The following MALRD1 variants were observed in gnomAD, a reference collection of about 807,000 sequenced individuals.
MALRD1 encodes MAM and LDL receptor class A domain containing 1.
Under a neutral mutation model 242.1 loss-of-function variants are expected in MALRD1, and 247 were observed. The ratio of observed to expected loss-of-function variants is 1.02; its 90% CI spans 0.92 to 1.13. The LOEUF (loss-of-function observed/expected upper bound fraction) is 1.13. Among genes scored for constraint, MALRD1 ranks in the 50% most tolerant of loss-of-function variants. The pLI is 0.00. For missense variants in MALRD1, 2,989 were observed against 2,533.1 expected, an observed-to-expected ratio of 1.18 and a Z score of -3.86; for synonymous variants, 995 against 866.6, an observed-to-expected ratio of 1.15 and a Z score of -2.60.
Position 19,389,495 on chromosome 10 carries a change from T to C in MALRD1, c.4731T>C (p.Gly1577=), listed in dbSNP as rs201527497. The C allele has an allele frequency of 1.3e-4, 205 of 1,550,378 alleles. No individual in the cohort carries two copies. The highest frequency in any genetic ancestry group is 6.7e-4 in the Middle Eastern group (4 of 6,014). The part of the protein sequence containing the change: ...YLEATAVGLR[G]DKAHFRSTMW... Reference sequence around the variant, plus strand: ...AAGCTACTGCAGTGGGCCTTCGGGGTGACAAAGCACACTTCAGGAGTACCA... The same window carrying C: ...AAGCTACTGCAGTGGGCCTTCGGGGCGACAAAGCACACTTCAGGAGTACCA... Residue 1577 remains glycine (G), a synonymous_variant, in exon 28 of 40, where the codon GGT becomes GGC. Transcript: ENST00000454679.
At chr10:19,121,043 CTTTT>C (rs71387043) in intron 5 of MALRD1, among the ~76,000 whole-genome samples, 1 of 106,590 alleles carries the variant, frequency 9.4e-6, no homozygotes, top group Non-Finnish European at 1.8e-5. Flanking sequence ...TGTGCCCGGC[CTTTT>C]TTTTTTTTTT....
intron 24 of MALRD1, among the ~76,000 whole-genome samples, chr10:19,333,557 C>A (rs761818146): frequency 3.3e-5 from 5 of 152,080 alleles, no homozygotes; most frequent in Admixed American, 6.6e-5. Flanking sequence ...TTGATGGGCA[C>A]CTGGATCGAT....
chr10:19,060,176 T>C (rs1834781354), intron 1 of MALRD1, among the ~76,000 whole-genome samples: 1 of 152,192 alleles, frequency 6.6e-6, no homozygotes, highest in Non-Finnish European at 1.5e-5. Context: ...TGTGCTTGTG[T>C]GTGTACCCAC....
chr10:19,121,109 T>C (rs1245380988), intron 5 of MALRD1, among the ~76,000 whole-genome samples: 1 of 139,662 alleles, frequency 7.2e-6, no homozygotes, highest in Admixed American at 7.7e-5. Context: ...AGTGGTGCGA[T>C]CTCGGCTCAC....
chr10:19,609,005 C>A (rs1838764611), intron 35 of MALRD1, among the ~76,000 whole-genome samples: 1 of 151,992 alleles, frequency 6.6e-6, no homozygotes, highest in African/African-American at 2.4e-5. Flanking sequence ...TATGCCAGAC[C>A]CAAACTTATT....
At chr10:19,529,548 G>GGC (rs1834250632) in intron 31 of MALRD1, among the ~76,000 whole-genome samples, 1 of 146,628 alleles carries the variant, frequency 6.8e-6, no homozygotes, top group African/African-American at 2.6e-5. Flanking sequence ...AAAACAGGAG[G>GGC]GGGGGGGAGA....
intron 38 of MALRD1, among the ~76,000 whole-genome samples, chr10:19,699,613 A>T (rs80275124): frequency 0.026 from 3,926 of 152,150 alleles, 148 homozygotes; most frequent in African/African-American, 0.088. Context: ...TCATTTATTT[A>T]AAAAGATGTT....
chr10:19,679,255 C>T (rs186018559), intron 36 of MALRD1, among the ~76,000 whole-genome samples: 2 of 152,216 alleles, frequency 1.3e-5, no homozygotes, highest in Admixed American at 6.5e-5. Flanking sequence ...CTTTGTACCT[C>T]TGGTAGAATT....
At chr10:19,095,471 G>A (rs1362868190) in intron 4 of MALRD1, among the ~76,000 whole-genome samples, 1 of 152,110 alleles carries the variant, frequency 6.6e-6, no homozygotes, top group Non-Finnish European at 1.5e-5. Context: ...TGGGAGTGTG[G>A]GTGGTTAGAA....
intron 19 of MALRD1, among the ~76,000 whole-genome samples, chr10:19,277,863 T>C (rs1479128927): frequency 6.6e-6 from 1 of 152,212 alleles, no homozygotes; most frequent in African/African-American, 2.4e-5. Context: ...CTCAGATTTT[T>C]GCTCTTTCCT....
At chr10:19,372,055 A>G (rs1329322134) in intron 26 of MALRD1, among the ~76,000 whole-genome samples, 1 of 152,218 alleles carries the variant, frequency 6.6e-6, no homozygotes, top group Non-Finnish European at 1.5e-5. Context: ...AATTGATTAT[A>G]TTTAGAGGAG....
At chr10:19,058,756 G>C (rs74492651) in intron 1 of MALRD1, among the ~76,000 whole-genome samples, 3,409 of 152,080 alleles carry the variant, frequency 0.022, 119 homozygotes, top group African/African-American at 0.079. Flanking sequence ...GACCATGTAT[G>C]ATGAAGTTAT....
chr10:19,386,929 A>G (rs1336121261), intron 26 of MALRD1, among the ~76,000 whole-genome samples: 7 of 152,272 alleles, frequency 4.6e-5, no homozygotes, highest in Admixed American at 1.3e-4. Context: ...ACAAATCTCT[A>G]TGGTTGGCAT....
At chr10:19,405,822 C>T (rs576227386) in intron 28 of MALRD1, among the ~76,000 whole-genome samples, 6 of 151,704 alleles carry the variant, frequency 4.0e-5, no homozygotes, top group African/African-American at 1.5e-4. Context: ...TAACACCACT[C>T]ACTAAACATA....
At chr10:19,692,836 A>C (rs1009418196) in intron 38 of MALRD1, among the ~76,000 whole-genome samples, 1 of 141,790 alleles carries the variant, frequency 7.1e-6, no homozygotes, top group Admixed American at 7.4e-5. Flanking sequence ...ATATGAAATT[A>C]TATATATATG....
At chr10:19,341,524 G>GTATATATATATA (rs750457234) in intron 24 of MALRD1, among the ~76,000 whole-genome samples, 1 of 138,856 alleles carries the variant, frequency 7.2e-6, no homozygotes, top group South Asian at 2.3e-4. Flanking sequence ...GTGTATATAT[G>GTATATATATATA]TATATATATA....
intron 30 of MALRD1, chr10:19,493,348 T>G (rs1286551404): frequency 6.6e-6 from 1 of 152,186 alleles, no homozygotes; most frequent in Non-Finnish European, 1.5e-5. Context: ...AATGAAAGTA[T>G]TTTTAAAAAG....
At chr10:19,589,323 C>G (rs940732144) in intron 33 of MALRD1, among the ~76,000 whole-genome samples, 1 of 152,144 alleles carries the variant, frequency 6.6e-6, no homozygotes, top group Non-Finnish European at 1.5e-5. Flanking sequence ...ATAGCTGTGA[C>G]TCCACACCCT....
intron 21 of MALRD1, among the ~76,000 whole-genome samples, chr10:19,289,272 G>A (rs144453912): frequency 2.4e-4 from 36 of 152,148 alleles, no homozygotes; most frequent in Middle Eastern, 6.8e-3. Flanking sequence ...TTGTATTTCC[G>A]TATTTCCTCT....
Sources: allele counts gnomAD v4.1 joint callset (sites outside exome capture counted in the v4.1 genomes callset), GRCh38; gene constraint gnomAD v4.1.1; transcripts MANE v1.5; gene names NCBI Gene and HGNC (gene_info 2026-07-23, HGNC 2026-07-21).